The following ARL5A variants were observed in gnomAD, a reference collection of about 807,000 sequenced individuals.
The protein encoded by ARL5A is ADP-ribosylation factor-like protein 5A.
Under a neutral mutation model 25.9 loss-of-function variants are expected in ARL5A, and 18 were observed. That is an observed-to-expected ratio of 0.69 (90% CI 0.48 to 1.03). ARL5A has a LOEUF of 1.03. ARL5A is among the 50% of genes least tolerant of loss of function. ARL5A has a pLI of 0.00. For missense variants in ARL5A, 170 were observed against 211.9 expected, an observed-to-expected ratio of 0.80 and a Z score of 1.23; for synonymous variants, 61 against 67.5, an observed-to-expected ratio of 0.90 and a Z score of 0.47.
intron 1 of ARL5A, among the ~76,000 whole-genome samples, chr2:151,822,427 CAAT>C (rs2099832462): frequency 6.6e-6 from 1 of 152,178 alleles, no homozygotes; most frequent in Non-Finnish European, 1.5e-5. Flanking sequence ...CGTGTCATCT[CAAT>C]AATAGGGTCA....
chr2:151,826,094 C>CT (rs1391282434), intron 1 of ARL5A, among the ~76,000 whole-genome samples: 46 of 152,242 alleles, frequency 3.0e-4, no homozygotes, highest in African/African-American at 1.1e-3. Context: ...TGCACTCCAG[C>CT]CTGGTGACAG....
At chr2:151,809,733 C>A (rs376972766) in intron 4 of ARL5A, among the ~76,000 whole-genome samples, 1 of 152,174 alleles carries the variant, frequency 6.6e-6, no homozygotes, top group Non-Finnish European at 1.5e-5. Flanking sequence ...ACAGCAATTG[C>A]AAGACACATT....
intron 1 of ARL5A, among the ~76,000 whole-genome samples, chr2:151,816,432 C>T (rs376516418): frequency 1.7e-4 from 26 of 152,190 alleles, no homozygotes; most frequent in African/African-American, 3.6e-4. Context: ...GCTTAGTCGA[C>T]GCGTAAGAAA....
intron 5 of ARL5A, among the ~76,000 whole-genome samples, chr2:151,805,680 A>C (rs2099829997): frequency 6.6e-6 from 1 of 152,152 alleles, no homozygotes. Flanking sequence ...TACTGTACTA[A>C]ATTCTGTAGG....
At chr2:151,808,825 A>ATC (rs1578373177) in intron 4 of ARL5A, among the ~76,000 whole-genome samples, 1 of 152,198 alleles carries the variant, frequency 6.6e-6, no homozygotes, top group African/African-American at 2.4e-5. Flanking sequence ...AGGTGGGTGG[A>ATC]TCTCTTGAAG....
rs966744158 is a variant in ARL5A, at chr2:151,828,229, C to T, written c.-53G>A. On this transcript the variant is annotated 5_prime_UTR_variant, in exon 1 of 6. Coordinates refer to ENST00000295087, the MANE Select transcript of ARL5A (RefSeq NM_012097.4). ...GACACCCGGGCCGCCTGGCTTCCCC[C>T]GGCTCAGGCTGAGGGGGAGGAGAGA... 3.3e-5 allele frequency: 52 copies of T among 1,560,850 alleles called. No individual in the cohort carries two copies. The African/African-American group carries it at 5.1e-4, about 15-fold the overall frequency.
At chr2:151,805,591 A>T (rs1469383684) in intron 5 of ARL5A, among the ~76,000 whole-genome samples, 1 of 152,180 alleles carries the variant, frequency 6.6e-6, no homozygotes, top group Non-Finnish European at 1.5e-5. Flanking sequence ...ACACAAACCT[A>T]GATGGTATAG....
chr2:151,824,513 A>G (rs1056447176), intron 1 of ARL5A, among the ~76,000 whole-genome samples: 3 of 152,182 alleles, frequency 2.0e-5, no homozygotes, highest in African/African-American at 7.2e-5. Context: ...TAACAACAAT[A>G]ATAAGCCAGA....
chr2:151,807,792 A>G (rs1052922966), intron 4 of ARL5A, among the ~76,000 whole-genome samples: 2 of 152,158 alleles, frequency 1.3e-5, no homozygotes, highest in African/African-American at 4.8e-5. Flanking sequence ...CTTCAATGCT[A>G]TGACTCAGAG....
intron 1 of ARL5A, among the ~76,000 whole-genome samples, chr2:151,822,394 T>C (rs1233780612): frequency 2.0e-5 from 3 of 152,176 alleles, no homozygotes; most frequent in African/African-American, 7.2e-5. Flanking sequence ...AAGACCAAAC[T>C]GTGCAATGGG....
At chr2:151,814,659 A>G (rs2099831281) in intron 2 of ARL5A, among the ~76,000 whole-genome samples, 1 of 152,126 alleles carries the variant, frequency 6.6e-6, no homozygotes, top group Middle Eastern at 3.4e-3. Flanking sequence ...AGGATCAAGC[A>G]ATCTTCCCAC....
chr2:151,819,185 C>T (rs1482095217), intron 1 of ARL5A, among the ~76,000 whole-genome samples: 2 of 152,078 alleles, frequency 1.3e-5, no homozygotes, highest in Non-Finnish European at 2.9e-5. Flanking sequence ...ACAGAGACAA[C>T]GAAGTAAAAA....
In ARL5A at chr2:151,828,295, G is replaced by C. The variant is rs1260505075; in HGVS notation, c.-119C>G. On this transcript the variant is annotated 5_prime_UTR_variant, in exon 1 of 6. Coordinates refer to ENST00000295087, the MANE Select transcript of ARL5A (RefSeq NM_012097.4). ...CCGCCTCTGCTGCTGCTCCCGCGCT[G>C]GTCGCGGGCCCGCTTCCAGGGAACC... The C allele has an allele frequency of 3.3e-6, 3 of 907,640 alleles. No homozygotes were observed. In the African/African-American group the frequency reaches 5.3e-5, roughly 16 times the overall value. 56.2% of individuals were successfully genotyped at this position (907,640 alleles called of 1,614,324 possible).
At chr2:151,815,090 CA>C (rs2099831327) in intron 2 of ARL5A, 48 bp downstream of exon 2, 3 of 1,430,456 alleles carry the variant, frequency 2.1e-6, no homozygotes, top group African/African-American at 1.4e-5. Flanking sequence ...TCACCCAGGC[CA>C]AAAAAGTAAC....
At chr2:151,813,633 G>A (rs1256880028) in intron 3 of ARL5A, among the ~76,000 whole-genome samples, 1 of 152,116 alleles carries the variant, frequency 6.6e-6, no homozygotes, top group Non-Finnish European at 1.5e-5. Context: ...ACAACGGTCA[G>A]TCTTTTAATT....
rs983937571 is a variant in ARL5A, at chr2:151,801,478, T to C, written c.*1798A>G. 5 of 152,152 alleles carry C rather than the reference T, an allele frequency of 3.3e-5. No individual in the cohort carries two copies. The highest frequency in any genetic ancestry group is 1.2e-4 in the African/African-American group (5 of 41,456). The allele number at this position is 152,152 out of a possible 1,614,324, so 9.4% of individuals were successfully genotyped here. ...AAGGAGATTTTTAATAGATAACAAG[T>C]AATTCTTTATAGGGATTTGAGAAAG... On this transcript the variant is annotated 3_prime_UTR_variant, in exon 6 of 6. Transcript: ENST00000295087.
At chr2:151,815,712 T>G (rs1483405149) in intron 1 of ARL5A, among the ~76,000 whole-genome samples, 1 of 152,082 alleles carries the variant, frequency 6.6e-6, no homozygotes, top group Admixed American at 6.5e-5. Flanking sequence ...GAAAAACAAA[T>G]CTAAGAACCT....
Position 151,806,976 on chromosome 2 carries a change from T to C in ARL5A, c.340-4A>G. 1 of 1,603,470 alleles carries C rather than the reference T, an allele frequency of 6.2e-7. No homozygotes were observed. Among genetic ancestry groups the C allele is most frequent in the Non-Finnish European group, 8.5e-7 (1 of 1,176,478 alleles). ...GCAATCCAGCTTTTCTTAGGTCCTATTAAAGCAAATAAAACTGTAAAGGCC... is the reference window on the plus strand; with the variant it reads ...GCAATCCAGCTTTTCTTAGGTCCTACTAAAGCAAATAAAACTGTAAAGGCC... On this transcript the variant is annotated splice_region_variant and splice_polypyrimidine_tract_variant and intron_variant, in intron 4 of 5. Transcript: ENST00000295087.
At chr2:151,810,449 G>C (rs927019827) in intron 4 of ARL5A, 3 of 352,688 alleles carry the variant, frequency 8.5e-6, no homozygotes, top group Non-Finnish European at 1.7e-5. Flanking sequence ...ACCCTACTGA[G>C]TACCTTGCTC....
Sources: gnomAD v4.1 joint callset for allele counts (sites outside exome capture counted in the v4.1 genomes callset) on GRCh38, gnomAD v4.1.1 for gene constraint, MANE v1.5 for transcripts, NCBI Gene and HGNC (gene_info 2026-07-23, HGNC 2026-07-21) for gene names.